The following USP8 variants were observed in gnomAD, a reference collection of about 807,000 sequenced individuals.
USP8 encodes ubiquitin carboxyl-terminal hydrolase 8.
Under a neutral mutation model 130.0 loss-of-function variants are expected in USP8, and 27 were observed. That is an observed-to-expected ratio of 0.21 (90% CI 0.15 to 0.29). USP8 has a LOEUF of 0.29. Among genes scored for constraint, USP8 ranks in the 10% least tolerant of loss-of-function variants. The pLI, the probability that USP8 is intolerant of heterozygous loss-of-function variation, is 1.00. For missense variants in USP8, 1,029 were observed against 1,312.2 expected (o/e 0.78, Z 3.33); for synonymous variants, 392 against 444.1 (o/e 0.88, Z 1.48).
intron 11 of USP8, among the ~76,000 whole-genome samples, chr15:50,483,028 ACT>A (rs757116747): frequency 1.1e-4 from 16 of 152,150 alleles, no homozygotes; most frequent in African/African-American, 3.6e-4. Flanking sequence ...ATGTACTAAA[ACT>A]CTCTAATTTT....
At chr15:50,445,660 G>A (rs1343200301) in intron 3 of USP8, among the ~76,000 whole-genome samples, 1 of 149,480 alleles carries the variant, frequency 6.7e-6, no homozygotes. Context: ...GACCAGCCTG[G>A]CCAACATGGT....
At chr15:50,442,998 A>G (rs1051246902) in intron 3 of USP8, among the ~76,000 whole-genome samples, 7 of 152,116 alleles carry the variant, frequency 4.6e-5, no homozygotes, top group African/African-American at 1.7e-4. Context: ...GACTTACTGA[A>G]ATAACAAAAT....
At chr15:50,441,517 A>G (rs775301689) in intron 3 of USP8, 24 bp downstream of exon 3, 1 of 1,531,122 alleles carries the variant, frequency 6.5e-7, no homozygotes, top group Non-Finnish European at 8.7e-7. Context: ...TTGCATTGTT[A>G]TTTCCTAAGT....
intron 7 of USP8, among the ~76,000 whole-genome samples, chr15:50,469,285 AT>A (rs1236339338): frequency 1.3e-5 from 2 of 151,942 alleles, no homozygotes; most frequent in African/African-American, 4.8e-5. Flanking sequence ...GTAAAAAATT[AT>A]TTTTAATTAA....
chr15:50,494,345 T>C, intron 16 of USP8, 65 bp downstream of exon 16: 1 of 1,385,260 alleles, frequency 7.2e-7, no homozygotes, highest in Non-Finnish European at 9.8e-7. Context: ...ACTGTATTTT[T>C]ATAGCAGTTT....
At chr15:50,454,912 G>A (rs2050744091) in intron 4 of USP8, among the ~76,000 whole-genome samples, 1 of 151,706 alleles carries the variant, frequency 6.6e-6, no homozygotes, top group African/African-American at 2.4e-5. Flanking sequence ...TGAGTAGGTG[G>A]GACTAAAGGC....
At chr15:50,463,145 A>T (rs1465926379) in intron 6 of USP8, among the ~76,000 whole-genome samples, 3 of 152,102 alleles carry the variant, frequency 2.0e-5, no homozygotes, top group Admixed American at 2.0e-4. Context: ...TCTGCTCAGG[A>T]GGTTGAGGTG....
rs1023166561 is a variant in USP8 at position 50,514,218 on chromosome 15, T to C, written c.*15130T>C. 2 of 152,142 alleles carry C rather than the reference T, an allele frequency of 1.3e-5. No individual in the cohort carries two copies. The highest frequency in any genetic ancestry group is 1.9e-4 in the East Asian group (1 of 5,190). 9.4% of individuals were successfully genotyped at this position (152,142 alleles called of 1,614,324 possible). On this transcript the variant is annotated 3_prime_UTR_variant, in exon 20 of 20. Coordinates refer to ENST00000307179, the MANE Select transcript of USP8 (RefSeq NM_005154.5). ...AAGCATAAAATCAGGCAAAAATCTA[T>C]AAATCTGTCCTGCCAGAAGTCAGTG... is the stretch of plus-strand genomic sequence containing the variant.
Position 50,492,922 on chromosome 15 carries a change from A to C in USP8, c.2447+9A>C. 1 of 1,609,376 alleles carries C rather than the reference A, an allele frequency of 6.2e-7. No individual in the cohort carries two copies. Among genetic ancestry groups the C allele is most frequent in the Non-Finnish European group, 8.5e-7 (1 of 1,176,024 alleles). ...CAGGATGATATTAACAGGTAAATAC[A>C]TGTCATACTTTTTGCATTATAATGC... is the stretch of plus-strand genomic sequence containing the variant. On this transcript the variant is annotated intron_variant, in intron 15 of 19. Coordinates refer to ENST00000307179, the MANE Select transcript of USP8 (RefSeq NM_005154.5).
chr15:50,461,726 G>C (rs889383084), intron 5 of USP8, among the ~76,000 whole-genome samples: 4 of 151,738 alleles, frequency 2.6e-5, no homozygotes, highest in African/African-American at 9.7e-5. Context: ...GGTAGCACAC[G>C]CCTGTAATCC....
chr15:50,434,873 G>A (rs2050050031), intron 1 of USP8, among the ~76,000 whole-genome samples: 1 of 152,162 alleles, frequency 6.6e-6, no homozygotes, highest in Non-Finnish European at 1.5e-5. Flanking sequence ...ACCTGCCTCG[G>A]CCTCCCAAAG....
At chr15:50,484,850 T>C (rs1192982954) in intron 12 of USP8, among the ~76,000 whole-genome samples, 3 of 152,190 alleles carry the variant, frequency 2.0e-5, no homozygotes, top group South Asian at 4.1e-4. Context: ...CATGGATGAA[T>C]CTTGAGGTCA....
intron 1 of USP8, among the ~76,000 whole-genome samples, chr15:50,435,589 T>TTTGACTTC (rs1289257976): frequency 1.3e-5 from 2 of 152,320 alleles, no homozygotes; most frequent in East Asian, 3.9e-4. Flanking sequence ...TTACCTTCTG[T>TTTGACTTC]TTGACTTCTG....
rs1566892519 is a variant in USP8 at position 50,495,956 on chromosome 15, G to A, written c.2767G>A (p.Val923Ile). The part of the protein sequence containing the change: ...KHKQLNESII[V>I]ALFQGQFKST... ...CAAGCAGCTCAATGAGTCTATTATT[G>A]TTGCACTTTTTCAGGGTCAATTCAA... is the stretch of plus-strand genomic sequence containing the variant. Residue 923 changes from valine (V) to isoleucine (I), a missense_variant, in exon 17 of 20, where the codon GTT (valine) becomes ATT (isoleucine). By Grantham distance (29) the Val-to-Ile change is conservative. Around this residue, in one of 4 missense-constraint regions of USP8, gnomAD observed 257 missense variants for 429.8 expected, o/e 0.60. Transcript: ENST00000307179. 1 of 1,613,776 alleles carries A rather than the reference G, an allele frequency of 6.2e-7. No individual in the cohort carries two copies. Among genetic ancestry groups the A allele is most frequent in the Admixed American group, 1.7e-5 (1 of 60,006 alleles).
At chr15:50,426,639 C>G (rs2141240334) in intron 1 of USP8, among the ~76,000 whole-genome samples, 1 of 152,260 alleles carries the variant, frequency 6.6e-6, no homozygotes, top group Middle Eastern at 3.4e-3. Flanking sequence ...CCACACATAG[C>G]CTCTTCACGT....
chr15:50,490,275 A>G lies in USP8; in HGVS notation c.1984A>G (p.Ile662Val). ...TTTTCCATCTAAGTTTCTTGACCCA[A>G]TCACTGGAACCTTTCGTTATTATCA... ...PSGWAKFLDP[I>V]TGTFRYYHSP... The change falls in exon 14 of 20, where the codon ATC becomes GTC. Residue 662 changes from isoleucine (I) to valine (V), a missense_variant. By Grantham distance (29) the Ile-to-Val change is conservative. Around this residue, in one of 4 missense-constraint regions of USP8, gnomAD observed 486 missense variants for 522.0 expected, o/e 0.93. Transcript: ENST00000307179. 1 of 1,608,168 alleles carries G rather than the reference A, an allele frequency of 6.2e-7. No individual in the cohort carries two copies. Among genetic ancestry groups the G allele is most frequent in the East Asian group, 2.2e-5 (1 of 44,834 alleles).
chr15:50,461,218 C>A (rs895866375), intron 5 of USP8, among the ~76,000 whole-genome samples: 2 of 151,988 alleles, frequency 1.3e-5, no homozygotes, highest in Non-Finnish European at 2.9e-5. Flanking sequence ...TCTTGAACTC[C>A]CAACCTCAGG....
At chr15:50,468,178 C>T (rs1042810575) in intron 7 of USP8, among the ~76,000 whole-genome samples, 7 of 150,944 alleles carry the variant, frequency 4.6e-5, no homozygotes, top group Non-Finnish European at 1.0e-4. Flanking sequence ...TCAAATGATC[C>T]ACCTGCCTTG....
At chr15:50,452,016 C>G (rs567680687) in intron 4 of USP8, among the ~76,000 whole-genome samples, 1 of 152,300 alleles carries the variant, frequency 6.6e-6, no homozygotes, top group East Asian at 1.9e-4. Context: ...GCCTGCTGGC[C>G]CCTGTCCTAG....
Sources: gnomAD v4.1 joint callset for allele counts (sites outside exome capture counted in the v4.1 genomes callset) on GRCh38, gnomAD v4.1.1 for gene constraint, gnomAD v4.1.1 regional missense constraint, MANE v1.5 for transcripts, NCBI Gene and HGNC (gene_info 2026-07-23, HGNC 2026-07-21) for gene names.